The following JAZF1 variants were observed in gnomAD, a reference collection of about 807,000 sequenced individuals.
JAZF1 encodes JAZF zinc finger 1, also known as juxtaposed with another zinc finger protein 1.
JAZF1 carries 8 observed loss-of-function variants against 26.4 expected under a neutral mutation model. That is an observed-to-expected ratio of 0.30 (90% CI 0.18 to 0.55). JAZF1 has a LOEUF of 0.55. JAZF1 is among the 20% of genes least tolerant of loss of function. The probability of loss-of-function intolerance (pLI) is 0.94; values close to 1 mark genes in which losing one functional copy is unlikely to be tolerated. For missense variants in JAZF1, 199 were observed against 322.0 expected, an observed-to-expected ratio of 0.62 and a Z score of 2.92; for synonymous variants, 126 against 122.3, an observed-to-expected ratio of 1.03 and a Z score of -0.20.
At chr7:28,130,579 CA>C (rs1465210489) in intron 1 of JAZF1, among the ~76,000 whole-genome samples, 1 of 152,148 alleles carries the variant, frequency 6.6e-6, no homozygotes, top group Non-Finnish European at 1.5e-5. Context: ...TGAATGTAGG[CA>C]AGCCACTTAA....
intron 1 of JAZF1, among the ~76,000 whole-genome samples, chr7:28,077,143 G>C (rs974214679): frequency 6.6e-6 from 1 of 152,090 alleles, no homozygotes; most frequent in Non-Finnish European, 1.5e-5. Context: ...TATAACACCG[G>C]CACTTTACAA....
At chr7:27,953,121 C>T (rs1785038816) in intron 2 of JAZF1, among the ~76,000 whole-genome samples, 1 of 152,130 alleles carries the variant, frequency 6.6e-6, no homozygotes, top group Admixed American at 6.6e-5. Flanking sequence ...TTACCAAACT[C>T]AAGTTTTTCC....
At position 28,004,876 on chromosome 7, in the gene JAZF1, C is replaced by T. The variant is rs142266255; in HGVS notation, c.116-12895G>A. ...CCATGTTGGCCAGGCTGGTCTCGAA[C>T]TCCTGACTTCAAGTGATTTGCCCAC... is the stretch of plus-strand genomic sequence containing the variant. On this transcript the variant is annotated intron_variant, in intron 1 of 4. Transcript: ENST00000283928. Among the ~76,000 whole-genome samples the T allele has an allele frequency of 0.023, 3,525 of 152,264 alleles. 278 individuals are homozygous for T. In the East Asian group the frequency reaches 0.3, roughly 13 times the overall value.
intron 2 of JAZF1, among the ~76,000 whole-genome samples, chr7:27,905,367 T>C (rs1376158707): frequency 2.6e-5 from 4 of 151,780 alleles, no homozygotes; most frequent in Admixed American, 6.6e-5. Context: ...TAAATAAATA[T>C]GAGGGCAAGC....
intron 1 of JAZF1, among the ~76,000 whole-genome samples, chr7:28,169,636 G>T (rs1251769681): frequency 6.6e-6 from 1 of 152,162 alleles, no homozygotes; most frequent in African/African-American, 2.4e-5. Context: ...CTTTCCATAA[G>T]AAGTACTTAG....
At chr7:27,894,156 T>C (rs764910008) in intron 3 of JAZF1, among the ~76,000 whole-genome samples, 17 of 152,172 alleles carry the variant, frequency 1.1e-4, no homozygotes, top group Non-Finnish European at 2.2e-4. Context: ...TGTAAGCTCC[T>C]GAGGTCAGGG....
intron 2 of JAZF1, among the ~76,000 whole-genome samples, chr7:27,973,002 G>A (rs928590875): frequency 1.3e-5 from 2 of 150,066 alleles, no homozygotes; most frequent in Non-Finnish European, 3.0e-5. Context: ...TTTTAGGCTC[G>A]CTCTCAATTT....
At chr7:28,004,407 A>G (rs1380031097) in intron 1 of JAZF1, among the ~76,000 whole-genome samples, 2 of 152,156 alleles carry the variant, frequency 1.3e-5, no homozygotes, top group Non-Finnish European at 2.9e-5. Context: ...AACTTAAAAA[A>G]AAAAAAAGTC....
intron 3 of JAZF1, among the ~76,000 whole-genome samples, chr7:27,876,511 C>G (rs924165945): frequency 2.0e-5 from 3 of 152,144 alleles, no homozygotes; most frequent in African/African-American, 7.2e-5. Flanking sequence ...TAGGATTTTG[C>G]TAAGTACTTA....
At chr7:27,972,958 C>T (rs1186083035) in intron 2 of JAZF1, among the ~76,000 whole-genome samples, 1 of 150,918 alleles carries the variant, frequency 6.6e-6, no homozygotes, top group African/African-American at 2.4e-5. Context: ...TATATACACA[C>T]ACACACACAT....
In JAZF1 at chr7:28,138,499, T is replaced by C. The variant is rs1782918287; in HGVS notation, c.115+41964A>G. On this transcript the variant is annotated intron_variant, in intron 1 of 4. Transcript: ENST00000283928. ...TTCCCTAATAAAAAACCCTTTATTC[T>C]GATTCTCAGAATGCTTCGCTGTTCA... 2.6e-5 allele frequency among the ~76,000 whole-genome samples: 4 copies of C among 152,258 alleles called. No homozygotes were observed. In the South Asian group the frequency reaches 8.3e-4, roughly 32 times the overall value.
intron 1 of JAZF1, among the ~76,000 whole-genome samples, chr7:28,017,462 T>C (rs1782915603): frequency 1.3e-5 from 2 of 152,100 alleles, no homozygotes; most frequent in Admixed American, 6.5e-5. Context: ...TCTTCCAGCA[T>C]AGGATTGTAC....
At chr7:28,038,960 G>A (rs900117931) in intron 1 of JAZF1, among the ~76,000 whole-genome samples, 3 of 152,292 alleles carry the variant, frequency 2.0e-5, no homozygotes, top group East Asian at 1.9e-4. Flanking sequence ...AAAGCAGAAT[G>A]TAAGCAGGTA....
intron 1 of JAZF1, among the ~76,000 whole-genome samples, chr7:28,143,270 A>T (rs1361007277): frequency 6.6e-6 from 1 of 152,160 alleles, no homozygotes; most frequent in East Asian, 1.9e-4. Flanking sequence ...GTGTGTCTTC[A>T]GAACTCATCC....
At chr7:27,945,820 A>T (rs1465185788) in intron 2 of JAZF1, among the ~76,000 whole-genome samples, 4 of 152,226 alleles carry the variant, frequency 2.6e-5, no homozygotes, top group Admixed American at 6.5e-5. Context: ...AATTCACAGA[A>T]TATTGACAAC....
intron 1 of JAZF1, among the ~76,000 whole-genome samples, chr7:28,000,614 CTTTCT>C (rs1429313285): frequency 2.3e-5 from 3 of 132,994 alleles, no homozygotes; most frequent in Non-Finnish European, 4.7e-5. Flanking sequence ...TTCTTTCTTT[CTTTCT>C]TTCTTTTTTT....
intron 4 of JAZF1, among the ~76,000 whole-genome samples, chr7:27,836,912 T>C (rs1782823749): frequency 6.6e-6 from 1 of 152,156 alleles, no homozygotes. Flanking sequence ...ACACTATCAC[T>C]GTTAATATTT....
rs777872236 is a variant in JAZF1 at position 27,831,000 on chromosome 7, A to T, written c.*1800T>A. On this transcript the variant is annotated 3_prime_UTR_variant, in exon 5 of 5. Coordinates refer to ENST00000283928, the MANE Select transcript of JAZF1 (RefSeq NM_175061.4). ...TAAATAATAATTGCTGGCCTAAAAA[A>T]TTTTTTTTGGTCAATTGTAGGTAGA... is the stretch of plus-strand genomic sequence containing the variant. The T allele has an allele frequency of 1.3e-4, 28 of 219,090 alleles. No individual in the cohort carries two copies. Among genetic ancestry groups the T allele is most frequent in the Admixed American group, 1.7e-4 (3 of 17,290 alleles). The allele number at this position is 219,090 out of a possible 1,614,324, so 13.6% of individuals were successfully genotyped here.
chr7:27,871,951 G>A (rs555538386), intron 3 of JAZF1, among the ~76,000 whole-genome samples: 2 of 152,318 alleles, frequency 1.3e-5, no homozygotes, highest in Admixed American at 1.3e-4. Flanking sequence ...GTTCAGCGGG[G>A]CTCACTTCAG....
Sources: allele counts gnomAD v4.1 joint callset (sites outside exome capture counted in the v4.1 genomes callset), GRCh38; gene constraint gnomAD v4.1.1; transcripts MANE v1.5; gene names NCBI Gene and HGNC (gene_info 2026-07-23, HGNC 2026-07-21).